ACVR2B: variants seen among roughly 807,000 people sequenced by gnomAD.
ACVR2B encodes the protein activin receptor type-2B.
In ACVR2B, 18 loss-of-function variants were observed where a neutral mutation model predicts 65.1. That is an observed-to-expected ratio of 0.28 (90% CI 0.19 to 0.41). ACVR2B has a LOEUF of 0.41. ACVR2B is among the 10% of genes least tolerant of loss of function. The pLI is 1.00. For missense variants in ACVR2B, 482 were observed against 682.7 expected (o/e 0.71, Z 3.28); for synonymous variants, 298 against 277.7 (o/e 1.07, Z -0.73).
chr3:38,457,184 C>CA (rs1709564132), intron 1 of ACVR2B, among the ~76,000 whole-genome samples: 1 of 149,476 alleles, frequency 6.7e-6, no homozygotes, highest in Non-Finnish European at 1.5e-5. Flanking sequence ...AGCCTGGTGA[C>CA]AGAGTGAGGC....
At chr3:38,469,564 G>GC (rs144538360) in intron 1 of ACVR2B, among the ~76,000 whole-genome samples, 3,492 of 152,298 alleles carry the variant, frequency 0.023, 147 homozygotes, top group African/African-American at 0.079. Context: ...ATAGGCCTAT[G>GC]CTCATGTGAG....
At position 38,491,839 on chromosome 3, in the gene ACVR2B, C is replaced by T. The variant is rs1167702463; in HGVS notation, c.*8507C>T. The T allele has an allele frequency of 1.3e-5, 2 of 151,990 alleles. No homozygotes were observed. The highest frequency in any genetic ancestry group is 4.8e-5 in the African/African-American group (2 of 41,342). The allele number at this position is 151,990 out of a possible 1,614,324, so 9.4% of individuals were successfully genotyped here. A position where few individuals can be genotyped will look rare whatever the true frequency, so the allele number is the denominator to read the frequency against. ...CTTCAGAATTGAGGGAGAGGGTTAC[C>T]GCAGAGTAGAAATATATTTCTAGAT... On this transcript the variant is annotated 3_prime_UTR_variant, in exon 11 of 11. Coordinates refer to ENST00000352511, the MANE Select transcript of ACVR2B (RefSeq NM_001106.4).
In ACVR2B at chr3:38,485,639, G is replaced by A. The variant is rs965143425; in HGVS notation, c.*2307G>A. ...ATGTGGGCTGGCCAAGTGGTTACAG[G>A]AACAGGGTTTCGGTAAGCTATGTTG... On this transcript the variant is annotated 3_prime_UTR_variant, in exon 11 of 11. Transcript: ENST00000352511. 4 of 144,424 alleles carry A rather than the reference G, an allele frequency of 2.8e-5. No homozygotes were observed. The highest frequency in any genetic ancestry group is 1.0e-4 in the African/African-American group (4 of 39,026). The allele number at this position is 144,424 out of a possible 1,614,324, so 8.9% of individuals were successfully genotyped here. A position where few individuals can be genotyped will look rare whatever the true frequency, so the allele number is the denominator to read the frequency against.
At chr3:38,462,052 G>A (rs774295664) in intron 1 of ACVR2B, among the ~76,000 whole-genome samples, 108 of 152,112 alleles carry the variant, frequency 7.1e-4, no homozygotes, top group Non-Finnish European at 1.2e-3. Context: ...AAATTAGCCC[G>A]GCGTGGTGGT....
At chr3:38,468,342 G>T (rs1709765702) in intron 1 of ACVR2B, among the ~76,000 whole-genome samples, 1 of 152,094 alleles carries the variant, frequency 6.6e-6, no homozygotes, top group South Asian at 2.1e-4. Flanking sequence ...CTCTGGAGGG[G>T]GCAGGCTTGG....
intron 1 of ACVR2B, among the ~76,000 whole-genome samples, chr3:38,460,288 G>A (rs147211180): frequency 6.6e-6 from 1 of 152,160 alleles, no homozygotes; most frequent in African/African-American, 2.4e-5. Context: ...AGACTTACGG[G>A]TCCATCCCAG....
rs1428047170 is a variant in ACVR2B, at chr3:38,482,327, G to A, written c.1204G>A (p.Ala402Thr). 1 of 1,611,650 alleles carries A rather than the reference G, an allele frequency of 6.2e-7. No homozygotes were observed. Among genetic ancestry groups the A allele is most frequent in the Non-Finnish European group, 8.5e-7 (1 of 1,179,552 alleles). ...GTGGGAGCTTGTGTCTCGCTGCAAG[G>A]CTGCAGACGGTAAGTAGGATGGCAG... ...VLWELVSRCK[A>T]ADGPVDEYML... Residue 402 changes from alanine to threonine, a missense_variant, in exon 9 of 11, where the codon GCT becomes ACT. Around this residue, in one of 5 missense-constraint regions of ACVR2B, gnomAD observed 223 missense variants for 386.3 expected, o/e 0.58. Coordinates refer to ENST00000352511, the MANE Select transcript of ACVR2B (RefSeq NM_001106.4).
chr3:38,482,103 C>G, intron 8 of ACVR2B, 95 bp from the exon 9 acceptor site: 1 of 1,569,546 alleles, frequency 6.4e-7, no homozygotes, highest in Non-Finnish European at 8.8e-7. Context: ...TCTGTCTTGC[C>G]CGCCATCTGG....
chr3:38,464,752 A>G (rs957061149), intron 1 of ACVR2B, among the ~76,000 whole-genome samples: 2 of 152,170 alleles, frequency 1.3e-5, no homozygotes, highest in Non-Finnish European at 2.9e-5. Context: ...CAAACCCTAA[A>G]GTTAGATTGA....
chr3:38,477,425 G>T lies in ACVR2B; in HGVS notation c.191G>T (p.Arg64Leu), dbSNP rs2615643. Reference sequence around the variant, plus strand: ...CGGCTGCACTGCTACGCCTCCTGGCGCAACAGCTCTGGCACCATCGAGCTC... The same window carrying T: ...CGGCTGCACTGCTACGCCTCCTGGCTCAACAGCTCTGGCACCATCGAGCTC... ...DKRLHCYASW[R>L]NSSGTIELVK... is the part of the protein sequence containing the mutation. Residue 64 changes from arginine (R) to leucine (L), a missense_variant, in exon 2 of 11, where the codon CGC (arginine) becomes CTC (leucine). Physicochemically the swap from Arg to Leu is moderately radical, Grantham distance 102. Around this residue, in one of 5 missense-constraint regions of ACVR2B, gnomAD observed 85 missense variants for 137.3 expected, o/e 0.62. Transcript: ENST00000352511. This position sits in a 1 kb window ranked among gnomAD's most constrained non-coding sequence, Gnocchi z 6.7. 1 of 1,614,170 alleles carries T rather than the reference G, an allele frequency of 6.2e-7. No homozygotes were observed. The highest frequency in any genetic ancestry group is 2.2e-5 in the East Asian group (1 of 44,882).
At position 38,491,010 on chromosome 3, in the gene ACVR2B, A is replaced by T. The variant is rs2059806470; in HGVS notation, c.*7678A>T. 6.6e-6 allele frequency: 1 copy of T among 152,578 alleles called. No individual in the cohort carries two copies. The highest frequency in any genetic ancestry group is 2.4e-5 in the African/African-American group (1 of 41,400). 9.5% of individuals were successfully genotyped at this position (152,578 alleles called of 1,614,324 possible). ...TCCAAAGATAAGCTCTTTGTAACAC[A>T]TTTCCAGTCGCTAATGCTCAAATGT... On this transcript the variant is annotated 3_prime_UTR_variant, in exon 11 of 11. Coordinates refer to ENST00000352511, the MANE Select transcript of ACVR2B (RefSeq NM_001106.4).
chr3:38,463,035 G>A (rs538675108), intron 1 of ACVR2B, among the ~76,000 whole-genome samples: 4 of 152,198 alleles, frequency 2.6e-5, no homozygotes, highest in South Asian at 2.1e-4. Context: ...TGAAGGGTGC[G>A]CGGACATGGG....
At chr3:38,472,918 C>T (rs1709843257) in intron 1 of ACVR2B, among the ~76,000 whole-genome samples, 2 of 152,096 alleles carry the variant, frequency 1.3e-5, no homozygotes, top group African/African-American at 4.8e-5. Flanking sequence ...AACGAACCTC[C>T]CAGTATTTGA....
In ACVR2B at chr3:38,477,177, A is replaced by AC. The variant is rs1379344606; in HGVS notation, c.53-108dup. ...TGCAGGAGGTTGGTGACCCCAACCC[A>AC]CCACCCGGCCTCCCTCCCTCAGGGT... On this transcript the variant is annotated intron_variant, in intron 1 of 10. Transcript: ENST00000352511. The surrounding 1 kb of genome is among the most constrained non-coding windows in gnomAD (Gnocchi z 6.7). 1.5e-6 allele frequency: 2 copies of AC among 1,340,284 alleles called. No individual in the cohort carries two copies. Among genetic ancestry groups the AC allele is most frequent in the East Asian group, 5.0e-5 (2 of 40,274 alleles). The allele number at this position is 1,340,284 out of a possible 1,614,324, so 83.0% of individuals were successfully genotyped here.
chr3:38,473,125 C>G (rs971031730), intron 1 of ACVR2B, among the ~76,000 whole-genome samples: 3 of 152,150 alleles, frequency 2.0e-5, no homozygotes, highest in Non-Finnish European at 4.4e-5. Context: ...GGTACTTTCT[C>G]TCTACTGGCA....
chr3:38,477,834 G>A lies in ACVR2B; in HGVS notation c.261-27G>A, dbSNP rs746917970. ...GGAGTCTTGCATCCCCCAGGTGAGG[G>A]GTATATGGAAAATTCTGTGCCTCCA... On this transcript the variant is annotated intron_variant, in intron 2 of 10. Coordinates refer to ENST00000352511, the MANE Select transcript of ACVR2B (RefSeq NM_001106.4). This position sits in a 1 kb window ranked among gnomAD's most constrained non-coding sequence, Gnocchi z 6.7. 1 of 1,609,114 alleles carries A rather than the reference G, an allele frequency of 6.2e-7. No individual in the cohort carries two copies. The highest frequency in any genetic ancestry group is 8.5e-7 in the Non-Finnish European group (1 of 1,175,584).
At chr3:38,472,281 C>T (rs1015894265) in intron 1 of ACVR2B, among the ~76,000 whole-genome samples, 5 of 152,092 alleles carry the variant, frequency 3.3e-5, no homozygotes, top group African/African-American at 1.2e-4. Flanking sequence ...GGCCCTCCTT[C>T]GCTCTTATGG....
At chr3:38,470,750 A>G (rs1217745720) in intron 1 of ACVR2B, among the ~76,000 whole-genome samples, 3 of 152,222 alleles carry the variant, frequency 2.0e-5, no homozygotes, top group Non-Finnish European at 4.4e-5. Context: ...TTAAGTTCCA[A>G]TGAGGGATGG....
intron 1 of ACVR2B, among the ~76,000 whole-genome samples, chr3:38,457,803 T>G (rs1709575047): frequency 6.6e-6 from 1 of 152,138 alleles, no homozygotes; most frequent in African/African-American, 2.4e-5. Context: ...GCCACTTCCT[T>G]GGGGGAGGGC....
Sources: allele counts gnomAD v4.1 joint callset (sites outside exome capture counted in the v4.1 genomes callset), GRCh38; gene constraint gnomAD v4.1.1; regional missense constraint gnomAD v4.1.1; non-coding constraint Gnocchi (gnomAD v3.1); transcripts MANE v1.5; gene names NCBI Gene and HGNC (gene_info 2026-07-23, HGNC 2026-07-21).